SEPTIN7: variants seen among roughly 807,000 people sequenced by gnomAD.
SEPTIN7 encodes the protein septin-7.
A neutral mutation model predicts 63.3 loss-of-function variants in SEPTIN7; 10 were observed. The ratio of observed to expected loss-of-function variants is 0.16; its 90% CI spans 0.10 to 0.27. SEPTIN7 has a LOEUF of 0.27. Ranked by LOEUF, SEPTIN7 falls within the 10% of genes least tolerant of loss-of-function variation. SEPTIN7 has a pLI of 1.00. For missense variants in SEPTIN7, 310 were observed against 521.0 expected (o/e 0.59, Z 3.94); for synonymous variants, 131 against 165.3 (o/e 0.79, Z 1.59).
At chr7:35,849,627 C>T (rs184867616) in intron 3 of SEPTIN7, among the ~76,000 whole-genome samples, 36 of 152,240 alleles carry the variant, frequency 2.4e-4, no homozygotes, top group East Asian at 1.2e-3. Flanking sequence ...AAGAATAGCG[C>T]CCTCCCTTGG....
chr7:35,803,211 T>C (rs1788112400), intron 1 of SEPTIN7: 1 of 778,944 alleles, frequency 1.3e-6, no homozygotes, highest in Non-Finnish European at 1.6e-6. Flanking sequence ...TGAAAGGTAG[T>C]GTTAAAAGAT....
intron 1 of SEPTIN7, among the ~76,000 whole-genome samples, chr7:35,827,757 C>T (rs972559321): frequency 6.6e-6 from 1 of 152,136 alleles, no homozygotes; most frequent in African/African-American, 2.4e-5. Context: ...TCCCAAAATG[C>T]TAGGATTACA....
At chr7:35,861,967 C>G (rs1785535144) in intron 3 of SEPTIN7, among the ~76,000 whole-genome samples, 1 of 152,066 alleles carries the variant, frequency 6.6e-6, no homozygotes, top group Non-Finnish European at 1.5e-5. Context: ...CTTTGTTTTT[C>G]ACAGGTCCTG....
the SEPTIN7 span, among the ~76,000 whole-genome samples, chr7:35,915,033 G>A: frequency 1.4e-3 from 218 of 151,226 alleles, no homozygotes; most frequent in African/African-American, 4.7e-3. Context: ...ATACATGCAC[G>A]TACATATATG....
chr7:35,823,805 ATTC>A (rs948064782), intron 1 of SEPTIN7, among the ~76,000 whole-genome samples: 6 of 152,132 alleles, frequency 3.9e-5, no homozygotes, highest in African/African-American at 1.4e-4. Flanking sequence ...CTCTCTCTCT[ATTC>A]TTATGGTTGC....
chr7:35,880,208 CTTTTTTTT>C (rs1169840776), intron 7 of SEPTIN7, among the ~76,000 whole-genome samples: 3 of 96,428 alleles, frequency 3.1e-5, no homozygotes, highest in Admixed American at 9.5e-5. Flanking sequence ...CTTTTCTTTT[CTTTTTTTT>C]TCTTTTCTTT....
At chr7:35,843,052 CT>C (rs1784486699) in intron 3 of SEPTIN7, among the ~76,000 whole-genome samples, 1 of 152,130 alleles carries the variant, frequency 6.6e-6, no homozygotes, top group Non-Finnish European at 1.5e-5. Flanking sequence ...GTATTGTCCT[CT>C]GATGGTGAAA....
At chr7:35,880,462 T>C (rs1280896694) in intron 7 of SEPTIN7, among the ~76,000 whole-genome samples, 1 of 151,960 alleles carries the variant, frequency 6.6e-6, no homozygotes, top group African/African-American at 2.4e-5. Context: ...TCTTTGTCTT[T>C]TCCTTTTATT....
chr7:35,848,275 A>AT (rs1044439627), intron 3 of SEPTIN7, among the ~76,000 whole-genome samples: 51 of 150,434 alleles, frequency 3.4e-4, no homozygotes, highest in South Asian at 1.1e-3. Context: ...AGAATACTTG[A>AT]TTTTTTTTTT....
rs183441788 is a variant in SEPTIN7, at chr7:35,809,530, A to G, written c.61+8260A>G. Among the ~76,000 whole-genome samples the G allele has an allele frequency of 2.4e-3, 362 of 152,320 alleles. 6 individuals are homozygous for G. Among genetic ancestry groups the G allele is most frequent in the Non-Finnish European group, 6.2e-4 (42 of 68,026 alleles). ...TGTCCCCAACCCATAACTGGCTTGC[A>G]TTTAGTAAAAAATTTGTGATACGAT... On this transcript the variant is annotated intron_variant, in intron 1 of 13. Transcript: ENST00000350320.
intron 1 of SEPTIN7, among the ~76,000 whole-genome samples, chr7:35,809,981 G>A (rs1054002913): frequency 6.6e-6 from 1 of 152,122 alleles, no homozygotes; most frequent in Admixed American, 6.5e-5. Flanking sequence ...TGGGTGGTGA[G>A]TAATGAGTCC....
chr7:35,802,642 A>G (rs1469618951), intron 1 of SEPTIN7, among the ~76,000 whole-genome samples: 6 of 152,240 alleles, frequency 3.9e-5, no homozygotes, highest in African/African-American at 1.4e-4. Flanking sequence ...ATGTGCAGAC[A>G]TGGGGAGGAG....
chr7:35,808,433 T>C (rs1422415892), intron 1 of SEPTIN7, among the ~76,000 whole-genome samples: 1 of 152,232 alleles, frequency 6.6e-6, no homozygotes, highest in Non-Finnish European at 1.5e-5. Flanking sequence ...AGCATTCTTA[T>C]TCTTTTATAC....
chr7:35,846,502 T>C (rs186710800), intron 3 of SEPTIN7, among the ~76,000 whole-genome samples: 16 of 152,320 alleles, frequency 1.1e-4, no homozygotes, highest in Admixed American at 9.1e-4. Flanking sequence ...TGGAAATCTC[T>C]TTTATTTTCC....
At chr7:35,889,423 A>T (rs1452668668) in intron 10 of SEPTIN7, among the ~76,000 whole-genome samples, 1 of 152,218 alleles carries the variant, frequency 6.6e-6, no homozygotes, top group East Asian at 1.9e-4. Flanking sequence ...GTCAGTACGA[A>T]ATGAATCAGA....
At chr7:35,801,730 G>T (rs1357162636) in intron 1 of SEPTIN7, among the ~76,000 whole-genome samples, 1 of 152,102 alleles carries the variant, frequency 6.6e-6, no homozygotes, top group African/African-American at 2.4e-5. Context: ...TGGCTAGGAG[G>T]GTGGGGACGA....
At chr7:35,809,116 T>C (rs1788540655) in intron 1 of SEPTIN7, among the ~76,000 whole-genome samples, 1 of 152,212 alleles carries the variant, frequency 6.6e-6, no homozygotes, top group South Asian at 2.1e-4. Context: ...AACAATCAAG[T>C]TCATTCACTT....
chr7:35,801,521 G>T (rs1026405618), intron 1 of SEPTIN7, among the ~76,000 whole-genome samples: 1 of 151,900 alleles, frequency 6.6e-6, no homozygotes. Flanking sequence ...GTGCCGCGGC[G>T]GGCTGGCCCC....
rs749998700 is a variant in SEPTIN7, at chr7:35,879,841, T to C, written c.531T>C (p.Ile177=). 1.3e-6 allele frequency: 2 copies of C among 1,582,950 alleles called. No individual in the cohort carries two copies. The highest frequency in any genetic ancestry group is 2.3e-5 in the East Asian group (1 of 44,160). Residue 177 remains isoleucine (I), a synonymous_variant, in exon 7 of 14, where the codon ATT becomes ATC. Transcript: ENST00000350320. ...ATTTCAGACTTAAACCATTGGATATTGAGTTTATGAAGCGTTTGCATGAAA... is the reference window on the plus strand; with the variant it reads ...ATTTCAGACTTAAACCATTGGATATCGAGTTTATGAAGCGTTTGCATGAAA... ...PSGHGLKPLD[I]EFMKRLHEKV...
Sources: allele counts gnomAD v4.1 joint callset (sites outside exome capture counted in the v4.1 genomes callset), GRCh38; gene constraint gnomAD v4.1.1; transcripts MANE v1.5; gene names NCBI Gene and HGNC (gene_info 2026-07-23, HGNC 2026-07-21).